Variants in EYS observed in about 807,000 individuals in gnomAD.
EYS encodes EGF-like photoreceptor maintenance factor.
In EYS, 250 loss-of-function variants were observed where a neutral mutation model predicts 282.1. The ratio of observed to expected loss-of-function variants is 0.89; its 90% CI spans 0.80 to 0.98. EYS has a LOEUF of 0.98. EYS is among the 50% of genes least tolerant of loss of function. The pLI is 0.00. For missense variants in EYS, 4,016 were observed against 3,709.0 expected, an observed-to-expected ratio of 1.08 and a Z score of -2.15; for synonymous variants, 1,355 against 1,282.9, an observed-to-expected ratio of 1.06 and a Z score of -1.20.
At chr6:65,205,491 C>G (rs751819973) in intron 12 of EYS, among the ~76,000 whole-genome samples, 1 of 151,960 alleles carries the variant, frequency 6.6e-6, no homozygotes, top group Admixed American at 6.6e-5. Flanking sequence ...CAACACTAAA[C>G]AGCTAATCGA....
At chr6:65,015,787 C>A (rs1048065659) in intron 13 of EYS, among the ~76,000 whole-genome samples, 45 of 147,244 alleles carry the variant, frequency 3.1e-4, no homozygotes, top group African/African-American at 1.1e-3. Flanking sequence ...GTAATCCCAG[C>A]ACTTTGGGAG....
intron 22 of EYS, among the ~76,000 whole-genome samples, chr6:64,738,421 A>C (rs1277930041): frequency 6.6e-6 from 1 of 152,194 alleles, no homozygotes; most frequent in East Asian, 1.9e-4. Context: ...AGTCAAGCAG[A>C]TGTTGGTGCC....
intron 12 of EYS, among the ~76,000 whole-genome samples, chr6:65,074,864 GGACCTCACT>G (rs1774000292): frequency 1.3e-5 from 2 of 151,870 alleles, no homozygotes; most frequent in African/African-American, 4.8e-5. Flanking sequence ...ATGATGGGTG[GGACCTCACT>G]GCATGCAAAA....
chr6:65,341,579 C>G (rs1440711951), intron 10 of EYS, among the ~76,000 whole-genome samples: 1 of 151,096 alleles, frequency 6.6e-6, no homozygotes, highest in Non-Finnish European at 1.5e-5. Flanking sequence ...TTATACAAAA[C>G]CTTCTCTTTC....
chr6:64,375,336 T>A (rs193113226), intron 29 of EYS, among the ~76,000 whole-genome samples: 1 of 152,218 alleles, frequency 6.6e-6, no homozygotes, highest in African/African-American at 2.4e-5. Flanking sequence ...CAATGCTGAT[T>A]TGCTATTGCT....
At chr6:65,517,451 CT>C (rs1382928246) in intron 2 of EYS, among the ~76,000 whole-genome samples, 1 of 151,780 alleles carries the variant, frequency 6.6e-6, no homozygotes, top group Non-Finnish European at 1.5e-5. Context: ...ATGAATTAAT[CT>C]GCCTTTACAT....
chr6:63,724,016 A>G (rs1422345845), intron 42 of EYS, among the ~76,000 whole-genome samples: 1 of 152,066 alleles, frequency 6.6e-6, no homozygotes, highest in Non-Finnish European at 1.5e-5. Context: ...CATGTTGGCC[A>G]GGCTGGTCTT....
intron 31 of EYS, among the ~76,000 whole-genome samples, chr6:64,123,147 CA>C (rs1773647552): frequency 6.6e-6 from 1 of 152,110 alleles, no homozygotes; most frequent in South Asian, 2.1e-4. Flanking sequence ...CGTTTCTTGC[CA>C]AGATTTTTGT....
intron 22 of EYS, among the ~76,000 whole-genome samples, chr6:64,688,665 A>T (rs1770251662): frequency 6.6e-6 from 1 of 152,178 alleles, no homozygotes; most frequent in Non-Finnish European, 1.5e-5. Flanking sequence ...ATTTTAGAGT[A>T]AGTGCAGTGT....
At chr6:64,965,025 C>A (rs1001524228) in intron 14 of EYS, among the ~76,000 whole-genome samples, 6 of 151,836 alleles carry the variant, frequency 4.0e-5, no homozygotes, top group African/African-American at 1.5e-4. Flanking sequence ...GAGTGAGACT[C>A]CATCTCAAAA....
At chr6:65,689,682 T>G (rs2149843683) in intron 1 of EYS, among the ~76,000 whole-genome samples, 1 of 150,290 alleles carries the variant, frequency 6.7e-6, no homozygotes, top group African/African-American at 2.4e-5. Context: ...ATGATCTTCC[T>G]TTAGAAAATC....
intron 29 of EYS, among the ~76,000 whole-genome samples, chr6:64,366,137 C>T (rs1361984257): frequency 3.3e-5 from 5 of 151,936 alleles, no homozygotes; most frequent in Non-Finnish European, 7.4e-5. Flanking sequence ...GCTCTTCTGC[C>T]ATTAGGAAGT....
At chr6:64,211,650 G>C (rs1582433485) in intron 31 of EYS, among the ~76,000 whole-genome samples, 1 of 142,354 alleles carries the variant, frequency 7.0e-6, no homozygotes, top group East Asian at 2.0e-4. Flanking sequence ...ATTTAATTTT[G>C]CTAAAATTTA....
intron 12 of EYS, among the ~76,000 whole-genome samples, chr6:65,190,434 A>G (rs964251175): frequency 6.6e-6 from 1 of 151,176 alleles, no homozygotes; most frequent in Non-Finnish European, 1.5e-5. Flanking sequence ...TCTAAGATAC[A>G]TTAAAATTTG....
intron 22 of EYS, among the ~76,000 whole-genome samples, chr6:64,705,300 A>G (rs1244860842): frequency 6.6e-6 from 1 of 152,140 alleles, no homozygotes; most frequent in African/African-American, 2.4e-5. Flanking sequence ...TCTGCAAGGG[A>G]AACTACAAAA....
chr6:65,173,428 C>T (rs1384444351), intron 12 of EYS, among the ~76,000 whole-genome samples: 1 of 150,952 alleles, frequency 6.6e-6, no homozygotes, highest in African/African-American at 2.4e-5. Flanking sequence ...GGGGGACTCA[C>T]CAAGTATTAC....
At chr6:65,085,494 C>T (rs889924794) in intron 12 of EYS, among the ~76,000 whole-genome samples, 4 of 152,164 alleles carry the variant, frequency 2.6e-5, no homozygotes, top group African/African-American at 7.2e-5. Context: ...CAAGATTTAT[C>T]ACTTGCTTTG....
At chr6:64,063,407 G>C (rs1327312092) in intron 33 of EYS, among the ~76,000 whole-genome samples, 1 of 152,014 alleles carries the variant, frequency 6.6e-6, no homozygotes, top group African/African-American at 2.4e-5. Flanking sequence ...TTGCACATAA[G>C]GAAATGAATA....
At chr6:63,908,532 C>A (rs1773840135) in intron 35 of EYS, among the ~76,000 whole-genome samples, 1 of 152,036 alleles carries the variant, frequency 6.6e-6, no homozygotes, top group Non-Finnish European at 1.5e-5. Context: ...CTCACTGCAA[C>A]CTCCACATCC....
Sources: gnomAD v4.1 joint callset for allele counts (sites outside exome capture counted in the v4.1 genomes callset) on GRCh38, gnomAD v4.1.1 for gene constraint, MANE v1.5 for transcripts, NCBI Gene and HGNC (gene_info 2026-07-23, HGNC 2026-07-21) for gene names.